PARN: variants seen among roughly 807,000 people sequenced by gnomAD.
PARN encodes the protein poly(A)-specific ribonuclease PARN.
A neutral mutation model predicts 102.8 loss-of-function variants in PARN; 71 were observed. The ratio of observed to expected loss-of-function variants is 0.69; its 90% CI spans 0.57 to 0.84. PARN has a LOEUF of 0.84. Among genes scored for constraint, PARN ranks in the 40% least tolerant of loss-of-function variants. The pLI is 0.00. For synonymous variants in PARN, 261 were observed against 252.9 expected (o/e 1.03, Z -0.30); for missense variants, 782 against 760.9 (o/e 1.03, Z -0.33).
At chr16:14,548,917 C>T (rs916840214) in intron 21 of PARN, among the ~76,000 whole-genome samples, 3 of 151,614 alleles carry the variant, frequency 2.0e-5, no homozygotes, top group South Asian at 2.1e-4. Context: ...TTGTGCCACC[C>T]CACTCTCGCC....
chr16:14,515,364 C>A (rs1422638260), intron 21 of PARN, among the ~76,000 whole-genome samples: 1 of 152,162 alleles, frequency 6.6e-6, no homozygotes, highest in Non-Finnish European at 1.5e-5. Context: ...TGCAGTTTTA[C>A]TGGTTTCACT....
chr16:14,626,232 A>G (rs1014788847), intron 5 of PARN, among the ~76,000 whole-genome samples: 2 of 152,208 alleles, frequency 1.3e-5, no homozygotes, highest in African/African-American at 4.8e-5. Flanking sequence ...TTTTCCAGAA[A>G]ATAAAGGTCT....
intron 21 of PARN, among the ~76,000 whole-genome samples, chr16:14,526,161 TTAAATA>T (rs1341949368): frequency 6.6e-6 from 1 of 151,238 alleles, no homozygotes; most frequent in East Asian, 1.9e-4. Context: ...GCCAAAAGAA[TTAAATA>T]AATCATCCAC....
chr16:14,445,208 A>G (rs1039845462), intron 23 of PARN, among the ~76,000 whole-genome samples: 7 of 152,012 alleles, frequency 4.6e-5, no homozygotes, highest in Admixed American at 3.9e-4. Context: ...TAAAACATCC[A>G]ATCCAGGCTT....
At chr16:14,543,963 C>T (rs183276960) in intron 21 of PARN, among the ~76,000 whole-genome samples, 231 of 152,134 alleles carry the variant, frequency 1.5e-3, no homozygotes, top group African/African-American at 5.2e-3. Context: ...GGGAGGCCAA[C>T]GCGGGAAGAT....
chr16:14,488,612 AC>A (rs1963869722), intron 21 of PARN, among the ~76,000 whole-genome samples: 1 of 152,222 alleles, frequency 6.6e-6, no homozygotes, highest in Non-Finnish European at 1.5e-5. Context: ...AGGCCAGTGG[AC>A]ATATGCAGAG....
chr16:14,582,348 C>T, intron 16 of PARN, 57 bp from the exon 17 acceptor site: 1 of 1,117,434 alleles, frequency 8.9e-7, no homozygotes, highest in Non-Finnish European at 1.4e-6. Context: ...GCACATTGCC[C>T]TACCAATCAA....
intron 21 of PARN, among the ~76,000 whole-genome samples, chr16:14,550,343 T>C (rs182310632): frequency 6.6e-6 from 1 of 152,172 alleles, no homozygotes; most frequent in East Asian, 1.9e-4. Context: ...CTGATGCTCC[T>C]GAGTACATTC....
rs35722504 is a variant in PARN, at chr16:14,447,062, C to T, written c.1690G>A (p.Val564Ile). 9.1e-3 allele frequency: 14,724 copies of T among 1,613,602 alleles called. 108 individuals are homozygous for T. The highest frequency in any genetic ancestry group is 0.017 in the Middle Eastern group (106 of 6,062). Residue 564 changes from valine (V) to isoleucine (I), a missense_variant, in exon 23 of 24, where the codon GTA becomes ATA. Coordinates refer to ENST00000437198, the MANE Select transcript of PARN (RefSeq NM_002582.4). ...CTAGGACTCAAATTTCTCTTTCCTA[C>T]TGTGCTGGGAGCTGTAAAACTGAAA... is the stretch of plus-strand genomic sequence containing the variant. ...RNNSFTAPSTVGKRNLSPSQE... is the reference protein window; with the variant it reads ...RNNSFTAPSTIGKRNLSPSQE...
At chr16:14,468,987 C>A (rs906506358) in intron 22 of PARN, among the ~76,000 whole-genome samples, 6 of 151,258 alleles carry the variant, frequency 4.0e-5, no homozygotes, top group Admixed American at 3.3e-4. Context: ...ATAAAAAAAA[C>A]ACACATAAAA....
chr16:14,518,938 C>T (rs1310564282), intron 21 of PARN, among the ~76,000 whole-genome samples: 1 of 152,030 alleles, frequency 6.6e-6, no homozygotes, highest in Non-Finnish European at 1.5e-5. Context: ...GACTGTGCAC[C>T]CCTAGAGATA....
intron 11 of PARN, among the ~76,000 whole-genome samples, chr16:14,600,895 T>C (rs1198729533): frequency 2.6e-5 from 4 of 151,900 alleles, no homozygotes; most frequent in South Asian, 4.1e-4. Context: ...GATCGCACCA[T>C]TGCACTCCAG....
In PARN at chr16:14,566,746, T is replaced by C. The variant is rs146547463; in HGVS notation, c.1263-11037A>G. ...AACAAGCTATTAAGCCAGAGAGAAA[T>C]GTACTTTAAAGTAACTAGAGCAAAC... is the stretch of plus-strand genomic sequence containing the variant. On this transcript the variant is annotated intron_variant, in intron 18 of 23. Coordinates refer to ENST00000437198, the MANE Select transcript of PARN (RefSeq NM_002582.4). Among the ~76,000 whole-genome samples the C allele has an allele frequency of 6.8e-4, 103 of 152,310 alleles. 1 individual carries two copies. The East Asian group carries it at 0.017, about 25-fold the overall frequency.
rs745655525 is a variant in PARN at position 14,584,742 on chromosome 16, A to G, written c.1005+7T>C. 2.5e-6 allele frequency: 4 copies of G among 1,568,656 alleles called. No individual in the cohort carries two copies. Among genetic ancestry groups the G allele is most frequent in the Admixed American group, 4.1e-5 (2 of 48,630 alleles). Reference sequence around the variant, plus strand: ...AGTCGCTTTATAAAGTAGCAAATGAATAATACCTTAAAAGGTTGTGTGCTG... The same window carrying G: ...AGTCGCTTTATAAAGTAGCAAATGAGTAATACCTTAAAAGGTTGTGTGCTG... On this transcript the variant is annotated splice_region_variant and intron_variant, in intron 15 of 23. Coordinates refer to ENST00000437198, the MANE Select transcript of PARN (RefSeq NM_002582.4).
chr16:14,509,180 G>C (rs969955757), intron 21 of PARN, among the ~76,000 whole-genome samples: 1 of 152,106 alleles, frequency 6.6e-6, no homozygotes, highest in Non-Finnish European at 1.5e-5. Flanking sequence ...TAAACAGCTT[G>C]TTTGAGAAGT....
At chr16:14,513,516 G>A (rs1377552936) in intron 21 of PARN, among the ~76,000 whole-genome samples, 1 of 152,108 alleles carries the variant, frequency 6.6e-6, no homozygotes, top group Non-Finnish European at 1.5e-5. Context: ...CTAAGAACTG[G>A]AGCTACTTTT....
intron 6 of PARN, among the ~76,000 whole-genome samples, chr16:14,612,948 C>T (rs1480733522): frequency 6.7e-6 from 1 of 150,334 alleles, no homozygotes; most frequent in African/African-American, 2.4e-5. Context: ...GCTGCAGTTA[C>T]AAGCCTATAG....
At chr16:14,588,347 T>C (rs1038833844) in intron 13 of PARN, among the ~76,000 whole-genome samples, 3 of 152,112 alleles carry the variant, frequency 2.0e-5, no homozygotes, top group African/African-American at 7.2e-5. Context: ...TGGGTAAAAA[T>C]AGTCAACTGC....
At chr16:14,586,477 A>G (rs1182162034) in intron 13 of PARN, 116 bp from the exon 14 acceptor site, 2 of 627,820 alleles carry the variant, frequency 3.2e-6, no homozygotes, top group Non-Finnish European at 5.7e-6. Context: ...TGGGGCCCTT[A>G]AGCTAAACTA....
Sources: allele counts gnomAD v4.1 joint callset (sites outside exome capture counted in the v4.1 genomes callset), GRCh38; gene constraint gnomAD v4.1.1; transcripts MANE v1.5; gene names NCBI Gene and HGNC (gene_info 2026-07-23, HGNC 2026-07-21).